The following FHIT variants were observed in gnomAD, a reference collection of about 807,000 sequenced individuals.
FHIT encodes fragile histidine triad diadenosine triphosphatase.
In FHIT, 19 loss-of-function variants were observed where a neutral mutation model predicts 17.9. The ratio of observed to expected loss-of-function variants is 1.06; its 90% CI spans 0.74 to 1.56. The LOEUF is 1.56. Ranked by LOEUF, FHIT falls within the 40% of genes most tolerant of loss-of-function variation. The pLI is 0.00. For synonymous variants in FHIT, 81 were observed against 69.7 expected (o/e 1.16, Z -0.81); for missense variants, 248 against 189.2 (o/e 1.31, Z -1.82).
intron 5 of FHIT, among the ~76,000 whole-genome samples, chr3:60,170,449 A>G (rs1701367369): frequency 6.6e-6 from 1 of 152,180 alleles, no homozygotes; most frequent in South Asian, 2.1e-4. Context: ...TGCAACTGAT[A>G]ATCCATCCCA....
At chr3:60,650,004 CAA>C (rs1182309087) in intron 4 of FHIT, among the ~76,000 whole-genome samples, 21 of 152,142 alleles carry the variant, frequency 1.4e-4, no homozygotes, top group African/African-American at 4.8e-4. Context: ...AGAGGGGAAA[CAA>C]ATGCACCAAA....
At chr3:59,925,284 T>A (rs1253281939) in intron 7 of FHIT, among the ~76,000 whole-genome samples, 3 of 152,044 alleles carry the variant, frequency 2.0e-5, no homozygotes, top group African/African-American at 4.8e-5. Flanking sequence ...TTTTTCATAT[T>A]TTTAGCAATG....
At position 60,929,368 on chromosome 3, in the gene FHIT, T is replaced by C. The variant is rs1461240706; in HGVS notation, c.-110-107357A>G. Among the ~76,000 whole-genome samples, 4 of 152,120 alleles carry C rather than the reference T, an allele frequency of 2.6e-5. No individual in the cohort carries two copies. In the East Asian group the frequency reaches 7.7e-4, roughly 29 times the overall value. On this transcript the variant is annotated intron_variant, in intron 3 of 9. Coordinates refer to ENST00000492590, the MANE Select transcript of FHIT (RefSeq NM_002012.4). ...TGTTGGAAGTTATGGCCAGGGCAAT[T>C]AGGCAGGAGAAGGAAGTAAAGGGCA... is the stretch of plus-strand genomic sequence containing the variant.
chr3:59,890,339 G>A (rs768800250), intron 8 of FHIT, among the ~76,000 whole-genome samples: 11 of 151,906 alleles, frequency 7.2e-5, no homozygotes, highest in South Asian at 2.1e-4. Context: ...CCATAAATAC[G>A]GACTGAGCAT....
chr3:60,606,531 G>A (rs545391803), intron 4 of FHIT, among the ~76,000 whole-genome samples: 2 of 152,184 alleles, frequency 1.3e-5, no homozygotes, highest in East Asian at 3.9e-4. Context: ...GTGAGTCACC[G>A]AGCCCAGCCT....
intron 3 of FHIT, among the ~76,000 whole-genome samples, chr3:60,829,905 T>C (rs1263866295): frequency 6.9e-6 from 1 of 145,628 alleles, no homozygotes; most frequent in Non-Finnish European, 1.5e-5. Flanking sequence ...GGATTTTACA[T>C]CTATAAAGGA....
At chr3:61,029,161 A>G (rs1239035905) in intron 3 of FHIT, among the ~76,000 whole-genome samples, 5 of 152,330 alleles carry the variant, frequency 3.3e-5, no homozygotes, top group Middle Eastern at 3.4e-3. Context: ...TGAAGAGCCT[A>G]TAAGGGAATG....
intron 5 of FHIT, among the ~76,000 whole-genome samples, chr3:60,130,071 A>G (rs1201872879): frequency 6.6e-6 from 1 of 152,116 alleles, no homozygotes. Flanking sequence ...TTCCTCTTCT[A>G]CCTTTGTTAG....
chr3:61,245,027 C>T (rs2040457200), intron 1 of FHIT, among the ~76,000 whole-genome samples: 1 of 152,144 alleles, frequency 6.6e-6, no homozygotes, highest in Non-Finnish European at 1.5e-5. Flanking sequence ...CCAACTTTTA[C>T]AGAGGATTGA....
At chr3:60,515,674 A>G (rs2035127145) in intron 5 of FHIT, among the ~76,000 whole-genome samples, 3 of 152,088 alleles carry the variant, frequency 2.0e-5, no homozygotes, top group Admixed American at 6.5e-5. Flanking sequence ...TCTCATAACA[A>G]TAGAAACTTA....
intron 5 of FHIT, among the ~76,000 whole-genome samples, chr3:60,310,616 A>G (rs1043257104): frequency 1.3e-5 from 2 of 152,170 alleles, no homozygotes. Flanking sequence ...TGGAGCCTCC[A>G]GTCCAACCTA....
intron 5 of FHIT, among the ~76,000 whole-genome samples, chr3:60,524,852 G>A (rs1214658435): frequency 6.6e-6 from 1 of 152,192 alleles, no homozygotes; most frequent in Non-Finnish European, 1.5e-5. Context: ...CTCAAGGTGA[G>A]ATACTTAACT....
At chr3:60,490,788 A>G (rs2034030634) in intron 5 of FHIT, among the ~76,000 whole-genome samples, 1 of 152,106 alleles carries the variant, frequency 6.6e-6, no homozygotes, top group Non-Finnish European at 1.5e-5. Flanking sequence ...CCTTCACATG[A>G]TTTAACAAAT....
At chr3:60,298,852 G>A (rs1708326475) in intron 5 of FHIT, among the ~76,000 whole-genome samples, 1 of 152,120 alleles carries the variant, frequency 6.6e-6, no homozygotes, top group African/African-American at 2.4e-5. Context: ...CCTGAGTCAA[G>A]TGGCATGCAG....
At chr3:61,119,581 C>T (rs1364813545) in intron 2 of FHIT, among the ~76,000 whole-genome samples, 1 of 152,110 alleles carries the variant, frequency 6.6e-6, no homozygotes, top group East Asian at 1.9e-4. Flanking sequence ...TAAAACATTG[C>T]TTCTGGGTGT....
intron 8 of FHIT, among the ~76,000 whole-genome samples, chr3:59,827,369 T>A (rs1274335206): frequency 6.6e-6 from 1 of 152,232 alleles, no homozygotes. Flanking sequence ...CAGACATTTC[T>A]ATGACAGAAC....
At chr3:61,219,789 TCTTTACAAAC>T (rs1285323950) in intron 1 of FHIT, among the ~76,000 whole-genome samples, 1 of 152,318 alleles carries the variant, frequency 6.6e-6, no homozygotes, top group African/African-American at 2.4e-5. Flanking sequence ...CTCCAAAAAA[TCTTTACAAAC>T]CTCAAGCCTC....
At chr3:61,077,972 C>A (rs1052066590) in intron 2 of FHIT, among the ~76,000 whole-genome samples, 12 of 152,092 alleles carry the variant, frequency 7.9e-5, no homozygotes, top group African/African-American at 2.9e-4. Flanking sequence ...CAATAGCCCA[C>A]GGAAAACACC....
chr3:60,561,425 T>C (rs983662809), intron 4 of FHIT, among the ~76,000 whole-genome samples: 2 of 151,774 alleles, frequency 1.3e-5, no homozygotes, highest in Non-Finnish European at 2.9e-5. Context: ...TCGCTATTGA[T>C]AGAATAAGAG....
Sources: gnomAD v4.1 joint callset for allele counts (sites outside exome capture counted in the v4.1 genomes callset) on GRCh38, gnomAD v4.1.1 for gene constraint, MANE v1.5 for transcripts, NCBI Gene and HGNC (gene_info 2026-07-23, HGNC 2026-07-21) for gene names.